Variants in STAT5A observed in about 807,000 individuals in gnomAD.
The protein encoded by STAT5A is epididymis secretory sperm binding protein.
Under a neutral mutation model 100.2 loss-of-function variants are expected in STAT5A, and 26 were observed. The observed-to-expected ratio is 0.26, with a 90% CI of 0.19 to 0.36. The LOEUF is 0.36. STAT5A is among the 10% of genes least tolerant of loss of function. The pLI, the probability that STAT5A is intolerant of heterozygous loss-of-function variation, is 1.00. For synonymous variants in STAT5A, 330 were observed against 424.3 expected (o/e 0.78, Z 2.73); for missense variants, 634 against 1,027.5 (o/e 0.62, Z 5.24).
intron 12 of STAT5A, among the ~76,000 whole-genome samples, 166 bp downstream of exon 12, chr17:42,305,868 C>G (rs1315902244): frequency 6.6e-6 from 1 of 152,162 alleles, no homozygotes; most frequent in Non-Finnish European, 1.5e-5. Flanking sequence ...TGCCTTCCAC[C>G]ATGGCCTTGG....
chr17:42,307,738 T>G lies in STAT5A; in HGVS notation c.1906+15T>G. The G allele has an allele frequency of 6.2e-7, 1 of 1,612,640 alleles. No individual in the cohort carries two copies. Among genetic ancestry groups the G allele is most frequent in the Non-Finnish European group, 8.5e-7 (1 of 1,179,066 alleles). On this transcript the variant is annotated intron_variant, in intron 15 of 18. Transcript: ENST00000590949. ...GTTTGACTCCCGTGAGTGCCCGTTT[T>G]GCCCACACTCCAGCCCCAAGGCCCG...
chr17:42,289,321 G>T (rs1187238436), intron 1 of STAT5A, 81 bp from the exon 2 acceptor site: 6 of 1,432,974 alleles, frequency 4.2e-6, no homozygotes, highest in Non-Finnish European at 4.6e-6. Flanking sequence ...TCCAGGGATA[G>T]GTAGGCATGG....
At chr17:42,292,975 CAGA>C (rs2080885754) in intron 4 of STAT5A, among the ~76,000 whole-genome samples, 2 of 152,180 alleles carry the variant, frequency 1.3e-5, no homozygotes, top group Non-Finnish European at 2.9e-5. Context: ...CTATCTGTGT[CAGA>C]AGAACTAACA....
rs2080835823 is a variant in STAT5A at position 42,288,582 on chromosome 17, C to T, written c.-27C>T. ...GCGCAGAGCCGGCCCGGCTGCCGGA[C>T]GGTGCGGCCCCACCAGGTGGGTGAC... is the stretch of plus-strand genomic sequence containing the variant. On this transcript the variant is annotated 5_prime_UTR_variant, in exon 1 of 19. In the 5' UTR this introduces an upstream ATG that the reference lacks. Coordinates refer to ENST00000590949, the MANE Select transcript of STAT5A (RefSeq NM_001288718.2). The surrounding 1 kb of genome is among the most constrained non-coding windows in gnomAD (Gnocchi z 4.8). 1 of 152,318 alleles carries T rather than the reference C, an allele frequency of 6.6e-6. No homozygotes were observed. Among genetic ancestry groups the T allele is most frequent in the Non-Finnish European group, 1.5e-5 (1 of 68,004 alleles). 9.4% of individuals were successfully genotyped at this position (152,318 alleles called of 1,614,324 possible).
At chr17:42,307,537 C>T (rs369258285) in intron 14 of STAT5A, 41 bp downstream of exon 14, 128 of 1,613,912 alleles carry the variant, frequency 7.9e-5, no homozygotes, top group Non-Finnish European at 1.0e-4. Flanking sequence ...CAGCTGTGGG[C>T]GCAGAGAGAC....
Position 42,305,648 on chromosome 17 carries a change from C to T in STAT5A, c.1419C>T (p.Ser473=). 1 of 1,614,192 alleles carries T rather than the reference C, an allele frequency of 6.2e-7. No individual in the cohort carries two copies. The part of the protein sequence containing the change: ...SLPVVVIVHG[S]QDHNATATVL... ...CTGTGGTTGTCATCGTCCACGGCAG[C>T]CAGGACCACAATGCCACGGCTACTG... Residue 473 remains serine (S), a synonymous_variant, in exon 12 of 19, where the codon AGC becomes AGT. Coordinates refer to ENST00000590949, the MANE Select transcript of STAT5A (RefSeq NM_001288718.2).
Position 42,308,081 on chromosome 17 carries a change from A to G in STAT5A, c.1907-97A>G, listed in dbSNP as rs897783908. 18 of 1,525,400 alleles carry G rather than the reference A, an allele frequency of 1.2e-5. No homozygotes were observed. The highest frequency in any genetic ancestry group is 1.5e-5 in the Non-Finnish European group (17 of 1,125,170). 94.5% of individuals were successfully genotyped at this position (1,525,400 alleles called of 1,614,324 possible). ...GGGCTGCAGCGCAAGCTACTATATA[A>G]AAGCCCAGATTTCTCTTGCAAGCCT... is the stretch of plus-strand genomic sequence containing the variant. On this transcript the variant is annotated intron_variant, in intron 15 of 18. Coordinates refer to ENST00000590949, the MANE Select transcript of STAT5A (RefSeq NM_001288718.2). This position sits in a 1 kb window ranked among gnomAD's most constrained non-coding sequence, Gnocchi z 4.6.
At position 42,309,463 on chromosome 17, in the gene STAT5A, C is replaced by A. The variant is rs1163310172; in HGVS notation, c.2201C>A (p.Pro734His). 1.2e-6 allele frequency: 2 copies of A among 1,613,908 alleles called. No homozygotes were observed. The highest frequency in any genetic ancestry group is 1.7e-5 in the Admixed American group (1 of 59,988). Residue 734 changes from proline (P) to histidine (H), a missense_variant, in exon 18 of 19, where the codon CCC becomes CAC. By Grantham distance (77) the Pro-to-His change is moderately conservative. Around this residue, in one of 5 missense-constraint regions of STAT5A, gnomAD observed 88 missense variants for 95.1 expected, o/e 0.92. Transcript: ENST00000590949. ...TCCCCAGCTGTGTGCCCCCAGGCTC[C>A]CTATAACATGTACCCACAGAAGTAG... ...APSPAVCPQA[P>H]YNMYPQNPDH...
chr17:42,299,669 C>T (rs936087248), intron 5 of STAT5A, 82 bp from the exon 6 acceptor site: 3 of 1,608,102 alleles, frequency 1.9e-6, no homozygotes. Flanking sequence ...GGGTCTCGCT[C>T]CAGAACAGGT....
Position 42,309,066 on chromosome 17 carries a change from T to C in STAT5A, c.2082T>C (p.Tyr694=), listed in dbSNP as rs1247064846. ...TPVLAKAVDG[Y]VKPQIKQVVP... is the part of the protein sequence containing the mutation. ...TGACAGCTAAAGCTGTTGATGGATA[T>C]GTGAAACCACAGATCAAGCAAGTGG... The change falls in exon 17 of 19, where the codon TAT becomes TAC. Residue 694 remains tyrosine, a synonymous_variant. Coordinates refer to ENST00000590949, the MANE Select transcript of STAT5A (RefSeq NM_001288718.2). 2.5e-6 allele frequency: 4 copies of C among 1,614,200 alleles called. No homozygotes were observed. The highest frequency in any genetic ancestry group is 2.2e-5 in the East Asian group (1 of 44,882).
In STAT5A at chr17:42,306,231, T is replaced by C. The variant is rs758728079; in HGVS notation, c.1474-10T>C. On this transcript the variant is annotated splice_polypyrimidine_tract_variant and intron_variant, in intron 12 of 18. Coordinates refer to ENST00000590949, the MANE Select transcript of STAT5A (RefSeq NM_001288718.2). ...AATCTACCTTTTCCCCTCTCTTGTC[T>C]CCCTCTCAGGGCAGGGTGCCATTTG... The C allele has an allele frequency of 7.4e-6, 12 of 1,613,894 alleles. No homozygotes were observed. The highest frequency in any genetic ancestry group is 1.3e-5 in the African/African-American group (1 of 74,902).
intron 17 of STAT5A, 138 bp from the exon 18 acceptor site, chr17:42,309,239 T>C (rs2081057526): frequency 6.5e-7 from 1 of 1,540,700 alleles, no homozygotes; most frequent in Admixed American, 1.7e-5. Flanking sequence ...CCCTCTCCTG[T>C]AGCTGGAGCC....
chr17:42,300,896 C>T (rs1287616230), intron 8 of STAT5A, 26 bp downstream of exon 8: 3 of 1,610,664 alleles, frequency 1.9e-6, no homozygotes, highest in Non-Finnish European at 2.5e-6. Context: ...TTGCCATGCC[C>T]AGGAGCTTGG....
chr17:42,291,877 G>A (rs939909556), intron 3 of STAT5A, 95 bp from the exon 4 acceptor site: 32 of 1,344,722 alleles, frequency 2.4e-5, no homozygotes, highest in Admixed American at 1.2e-4. Context: ...AAAAGCTGAG[G>A]CAGAGGCTGA....
At position 42,307,605 on chromosome 17, in the gene STAT5A, T is replaced by G. The variant is rs2081042059; in HGVS notation, c.1788T>G (p.Gly596=). The change falls in exon 15 of 19, where the codon GGT becomes GGG. Residue 596 remains glycine, a synonymous_variant. Coordinates refer to ENST00000590949, the MANE Select transcript of STAT5A (RefSeq NM_001288718.2). The part of the protein sequence containing the change: ...KPHWNDGAIL[G]FVNKQQAHDL... ...TCCGTGCACCCAGGGCCATCCTAGG[T>G]TTTGTGAATAAGCAACAGGCCCACG... The G allele has an allele frequency of 6.2e-7, 1 of 1,613,600 alleles. No homozygotes were observed. Among genetic ancestry groups the G allele is most frequent in the African/African-American group, 1.3e-5 (1 of 74,768 alleles).
At position 42,310,661 on chromosome 17, in the gene STAT5A, C is replaced by T; in HGVS notation, c.2377C>T (p.Leu793Phe). 6.2e-7 allele frequency: 1 copy of T among 1,614,194 alleles called. No homozygotes were observed. The highest frequency in any genetic ancestry group is 8.5e-7 in the Non-Finnish European group (1 of 1,180,034). The change falls in exon 19 of 19, where the codon CTC becomes TTC. Residue 793 changes from leucine to phenylalanine, a missense_variant. Transcript: ENST00000590949. ...TCTTTTCACCTCTGCCAGAGGCTCC[C>T]TCTCATGAATGTTTGAATCCCACGC... is the stretch of plus-strand genomic sequence containing the variant. Reference protein sequence around the residue: ...AGLFTSARGSLS With the variant: ...AGLFTSARGSFS
At chr17:42,306,972 G>A (rs1441561129) in intron 13 of STAT5A, among the ~76,000 whole-genome samples, 9 of 151,938 alleles carry the variant, frequency 5.9e-5, no homozygotes, top group South Asian at 4.2e-4. Context: ...CGCCCACCTC[G>A]GCCTCCCAAA....
intron 4 of STAT5A, among the ~76,000 whole-genome samples, chr17:42,292,565 T>C (rs1270497734): frequency 6.6e-6 from 1 of 151,864 alleles, no homozygotes; most frequent in East Asian, 1.9e-4. Flanking sequence ...GACCTCGTGA[T>C]CCGCCCACCT....
rs977424552 is a variant in STAT5A at position 42,308,278 on chromosome 17, G to A, written c.2007G>A (p.Val669=). The A allele has an allele frequency of 2.5e-6, 4 of 1,614,212 alleles. 1 individual carries two copies. Among genetic ancestry groups the A allele is most frequent in the Non-Finnish European group, 3.4e-6 (4 of 1,180,038 alleles). Residue 669 remains valine (V), a synonymous_variant, in exon 16 of 19, where the codon GTG becomes GTA. Coordinates refer to ENST00000590949, the MANE Select transcript of STAT5A (RefSeq NM_001288718.2). The surrounding 1 kb of genome is among the most constrained non-coding windows in gnomAD (Gnocchi z 4.6). ...GGGACCTGAGCTATCTCATCTATGT[G>A]TTTCCTGACCGCCCCAAGGATGAGG... ...RLGDLSYLIY[V]FPDRPKDEVF...
Sources: gnomAD v4.1 joint callset for allele counts (sites outside exome capture counted in the v4.1 genomes callset) on GRCh38, gnomAD v4.1.1 for gene constraint, gnomAD v4.1.1 regional missense constraint, Gnocchi (gnomAD v3.1) non-coding constraint, MANE v1.5 for transcripts, NCBI Gene and HGNC (gene_info 2026-07-23, HGNC 2026-07-21) for gene names.